Variants in RABGEF1 observed in about 807,000 individuals in gnomAD.
The protein encoded by RABGEF1 is rab5 GDP/GTP exchange factor.
Under a neutral mutation model 57.3 loss-of-function variants are expected in RABGEF1, and 26 were observed. The ratio of observed to expected loss-of-function variants is 0.45; its 90% CI spans 0.33 to 0.63. The LOEUF is 0.63. RABGEF1 is among the 20% of genes least tolerant of loss of function. The probability of loss-of-function intolerance (pLI) is 0.02; values close to 1 mark genes in which losing one functional copy is unlikely to be tolerated. For missense variants in RABGEF1, 464 were observed against 607.6 expected, an observed-to-expected ratio of 0.76 and a Z score of 2.48; for synonymous variants, 185 against 210.7, an observed-to-expected ratio of 0.88 and a Z score of 1.06.
At chr7:66,760,474 C>T (rs184847850) in intron 1 of RABGEF1, among the ~76,000 whole-genome samples, 61 of 142,446 alleles carry the variant, frequency 4.3e-4, no homozygotes, top group African/African-American at 1.5e-3. Flanking sequence ...GACAGAGTCT[C>T]GCTCTATTGC....
At chr7:66,747,053 C>G (rs1449259121) in intron 1 of RABGEF1, among the ~76,000 whole-genome samples, 1 of 152,086 alleles carries the variant, frequency 6.6e-6, no homozygotes, top group Non-Finnish European at 1.5e-5. Flanking sequence ...CTTGGCCTCC[C>G]AAAGTGCTGG....
chr7:66,697,709 G>A (rs538558832), intron 1 of RABGEF1, among the ~76,000 whole-genome samples: 4 of 152,228 alleles, frequency 2.6e-5, no homozygotes, highest in Admixed American at 2.0e-4. Flanking sequence ...TGTGTTCTCC[G>A]GCCTCAGCGA....
chr7:66,676,352 C>T, the RABGEF1 span, among the ~76,000 whole-genome samples: 1 of 151,982 alleles, frequency 6.6e-6, no homozygotes, highest in Non-Finnish European at 1.5e-5. Context: ...GGATTTGTTC[C>T]AGGATGCCCA....
intron 8 of RABGEF1, among the ~76,000 whole-genome samples, chr7:66,807,121 C>T (rs760570184): frequency 3.3e-5 from 5 of 152,186 alleles, no homozygotes; most frequent in South Asian, 2.1e-4. Flanking sequence ...AGCGTAGCCA[C>T]GGTCACTGAC....
At chr7:66,712,991 AT>A (rs1481463593) in intron 2 of RABGEF1, among the ~76,000 whole-genome samples, 1 of 150,174 alleles carries the variant, frequency 6.7e-6, no homozygotes, top group Non-Finnish European at 1.5e-5. Flanking sequence ...TTTATTTTAT[AT>A]TTTGTAGAGA....
chr7:66,772,187 G>A (rs1218170788), intron 2 of RABGEF1, 109 bp downstream of exon 2: 3 of 864,590 alleles, frequency 3.5e-6, no homozygotes, highest in Admixed American at 4.1e-5. Flanking sequence ...CAGCAAGTCA[G>A]TTTAATATTA....
intron 1 of RABGEF1, among the ~76,000 whole-genome samples, chr7:66,688,082 T>A (rs2117088820): frequency 1.6e-5 from 1 of 61,800 alleles, no homozygotes; most frequent in Non-Finnish European, 3.2e-5. Context: ...TGAAACTCTG[T>A]GTCAAAAAAA....
chr7:66,692,612 C>T (rs942177710), intron 1 of RABGEF1, among the ~76,000 whole-genome samples: 1 of 152,138 alleles, frequency 6.6e-6, no homozygotes, highest in African/African-American at 2.4e-5. Context: ...GATCTGGGGC[C>T]GAGCAGTCCA....
chr7:66,703,591 C>T (rs760792589), intron 1 of RABGEF1, among the ~76,000 whole-genome samples: 16 of 152,122 alleles, frequency 1.1e-4, no homozygotes, highest in Admixed American at 2.6e-4. Flanking sequence ...ACACCTTTTT[C>T]GGAAATCAGT....
In RABGEF1 at chr7:66,701,004, G is replaced by A. The variant is rs527951829; in HGVS notation, c.-872-11163G>A. 4.6e-5 allele frequency among the ~76,000 whole-genome samples: 7 copies of A among 152,306 alleles called. No homozygotes were observed. In the East Asian group the frequency reaches 7.7e-4, roughly 17 times the overall value. On this transcript the variant is annotated intron_variant and NMD_transcript_variant, in intron 1 of 9. Transcript: ENST00000607882. ...CGCTGTCTTGCAGCCCAAGGAAGCC[G>A]TCCTGGAGGAGGGAGCCTGACCCTC...
At chr7:66,794,272 CTCTT>C (rs1327363939) in intron 4 of RABGEF1, among the ~76,000 whole-genome samples, 1 of 45,638 alleles carries the variant, frequency 2.2e-5, no homozygotes, top group Admixed American at 2.6e-4. Context: ...TTCTTTCTTT[CTCTT>C]TCTTTCCTTT....
intron 1 of RABGEF1, among the ~76,000 whole-genome samples, chr7:66,754,557 A>G (rs1268796532): frequency 1.3e-5 from 2 of 152,012 alleles, no homozygotes; most frequent in Non-Finnish European, 2.9e-5. Context: ...CAGCCTGGCC[A>G]ACAGGGTGAG....
At chr7:66,789,978 G>A (rs1243832062) in intron 4 of RABGEF1, among the ~76,000 whole-genome samples, 1 of 152,110 alleles carries the variant, frequency 6.6e-6, no homozygotes. Flanking sequence ...CTCCCTCTAC[G>A]GACAAGATAC....
chr7:66,705,712 T>G (rs1584804330), intron 1 of RABGEF1, among the ~76,000 whole-genome samples: 2 of 151,792 alleles, frequency 1.3e-5, no homozygotes, highest in African/African-American at 4.8e-5. Context: ...TTTTTGTTTT[T>G]TTTTGTTTTG....
chr7:66,753,088 G>A (rs1019572370), intron 1 of RABGEF1, among the ~76,000 whole-genome samples: 2 of 152,320 alleles, frequency 1.3e-5, no homozygotes, highest in South Asian at 2.1e-4. Flanking sequence ...CTACAGGAAC[G>A]GGAGAGAGAA....
the RABGEF1 span, among the ~76,000 whole-genome samples, chr7:66,660,010 GAAAA>G: frequency 6.3e-5 from 9 of 143,056 alleles, no homozygotes; most frequent in African/African-American, 5.1e-5. Context: ...GATTGACTAA[GAAAA>G]AAAAAAAGAA....
chr7:66,751,231 G>T (rs942972185), intron 1 of RABGEF1, among the ~76,000 whole-genome samples: 1 of 151,994 alleles, frequency 6.6e-6, no homozygotes, highest in Non-Finnish European at 1.5e-5. Context: ...GGGTTTCACC[G>T]TGTTAGCCAG....
At chr7:66,705,303 C>T (rs1473080245) in intron 1 of RABGEF1, among the ~76,000 whole-genome samples, 1 of 151,840 alleles carries the variant, frequency 6.6e-6, no homozygotes, top group Non-Finnish European at 1.5e-5. Context: ...CATTTTAGCT[C>T]TCCCAAAAAT....
At chr7:66,786,086 A>C (rs1274331732) in intron 4 of RABGEF1, among the ~76,000 whole-genome samples, 1 of 152,078 alleles carries the variant, frequency 6.6e-6, no homozygotes, top group Non-Finnish European at 1.5e-5. Context: ...ATTCTTTCTA[A>C]AATTTCTGAG....
Sources: allele counts gnomAD v4.1 joint callset (sites outside exome capture counted in the v4.1 genomes callset), GRCh38; gene constraint gnomAD v4.1.1; transcripts MANE v1.5; gene names NCBI Gene and HGNC (gene_info 2026-07-23, HGNC 2026-07-21).